Variants in COL6A5 observed in about 807,000 individuals in gnomAD.
COL6A5 encodes collagen type VI alpha 5 chain, also known as collagen alpha-5(VI) chain.
In COL6A5, 48 loss-of-function variants were observed where a neutral mutation model predicts 65.6. That is an observed-to-expected ratio of 0.73 (90% CI 0.58 to 0.93). The LOEUF is 0.93. COL6A5 is among the 40% of genes least tolerant of loss of function. COL6A5 has a pLI of 0.00. For synonymous variants in COL6A5, 291 were observed against 322.8 expected, an observed-to-expected ratio of 0.90 and a Z score of 1.05; for missense variants, 914 against 928.3, an observed-to-expected ratio of 0.98 and a Z score of 0.20.
At chr3:130,382,236 AC>A (rs1263334242) in intron 4 of COL6A5, among the ~76,000 whole-genome samples, 1 of 152,042 alleles carries the variant, frequency 6.6e-6, no homozygotes, top group Admixed American at 6.6e-5. Context: ...ACAAACAACA[AC>A]AAAAAACACA....
chr3:130,404,088 G>A (rs76487357), intron 13 of COL6A5, among the ~76,000 whole-genome samples: 1,579 of 152,282 alleles, frequency 0.01, 24 homozygotes, highest in African/African-American at 0.034. Flanking sequence ...CTTAGTACAT[G>A]GCTTTGGGCC....
exon 9 of COL6A5, chr3:130,397,639 C>T: frequency 6.4e-7 from 1 of 1,551,528 alleles, no homozygotes; most frequent in Non-Finnish European, 8.7e-7. Flanking sequence ...GCAGGGGCAG[C>T]CTTTGTTCCA....
At chr3:130,472,429 T>C (rs1225940656) in intron 7 of COL6A5, among the ~76,000 whole-genome samples, 2 of 151,914 alleles carry the variant, frequency 1.3e-5, no homozygotes, top group Admixed American at 6.6e-5. Flanking sequence ...GGCAGCTCCA[T>C]AGGCTGGGTG....
At chr3:130,394,974 CTTTCT>C in exon 8 of COL6A5, 1 of 1,551,448 alleles carries the variant, frequency 6.4e-7, no homozygotes, top group Non-Finnish European at 8.7e-7. Context: ...ACCATGACAA[CTTTCT>C]TGTCAGACTT....
chr3:130,351,084 T>C (rs1934686977), intron 1 of COL6A5, among the ~76,000 whole-genome samples: 1 of 152,190 alleles, frequency 6.6e-6, no homozygotes, highest in Admixed American at 6.5e-5. Flanking sequence ...ATTTAATAAA[T>C]GGTGCTGGGA....
rs563444276 is a variant in COL6A5, at chr3:130,410,796, C to T, written c.4662+272C>T. Among the ~76,000 whole-genome samples, 13 of 152,248 alleles carry T rather than the reference C, an allele frequency of 8.5e-5. No homozygotes were observed. In the South Asian group the frequency reaches 2.5e-3, roughly 29 times the overall value. On this transcript the variant is annotated intron_variant and NMD_transcript_variant, in intron 20 of 41. Coordinates refer to the COL6A5 transcript ENST00000312481. Reference sequence around the variant, plus strand: ...ACTGCCCACTTGTGACATTCACAAGCGTCTCTAAATATTGTCAGATGTCTG... The same window carrying T: ...ACTGCCCACTTGTGACATTCACAAGTGTCTCTAAATATTGTCAGATGTCTG...
chr3:130,436,441 A>G (rs892652819), intron 1 of COL6A5, among the ~76,000 whole-genome samples: 3 of 152,082 alleles, frequency 2.0e-5, no homozygotes, highest in South Asian at 4.2e-4. Flanking sequence ...CCATATAGCA[A>G]TCTCCTAGGG....
At chr3:130,440,411 A>G in exon 3 of COL6A5, 3 of 1,613,652 alleles carry the variant, frequency 1.9e-6, no homozygotes, top group African/African-American at 1.3e-5. Context: ...AAAGATGGGT[A>G]CAGTAAAAAC....
At position 130,373,475 on chromosome 3, in the gene COL6A5, A is replaced by G. The variant is rs1467438237; in HGVS notation, c.-28-136A>G. On this transcript the variant is annotated intron_variant and NMD_transcript_variant, in intron 1 of 41. Transcript: ENST00000312481. ...TTTCAACAAATACTCCAAATGCTTGATGAATTTTATAAACACACTTGGCAC... is the reference window on the plus strand; with the variant it reads ...TTTCAACAAATACTCCAAATGCTTGGTGAATTTTATAAACACACTTGGCAC... 3 of 573,452 alleles carry G rather than the reference A, an allele frequency of 5.2e-6. No individual in the cohort carries two copies. The East Asian group carries it at 8.9e-5, about 17-fold the overall frequency. 35.5% of individuals were successfully genotyped at this position (573,452 alleles called of 1,614,324 possible). A position where few individuals can be genotyped will look rare whatever the true frequency, so the allele number is the denominator to read the frequency against.
intron 24 of COL6A5, among the ~76,000 whole-genome samples, chr3:130,417,528 T>G (rs1408064071): frequency 4.6e-5 from 7 of 152,236 alleles, no homozygotes; most frequent in African/African-American, 1.4e-4. Flanking sequence ...TTTCACTCCC[T>G]GATTTCCTGA....
chr3:130,379,428 C>T (rs1443350112), exon 4 of COL6A5: 1 of 1,550,614 alleles, frequency 6.4e-7, no homozygotes, highest in Non-Finnish European at 8.7e-7. Flanking sequence ...TTCACTTCCC[C>T]ATATCCTGTC....
chr3:130,376,220 T>C lies in COL6A5; in HGVS notation c.68-17T>C. ...TGAATGATAACTTTGTTTTTGCTTG[T>C]TATTTTATTTTGATAGGGCCAGGCC... On this transcript the variant is annotated splice_polypyrimidine_tract_variant and intron_variant and NMD_transcript_variant, in intron 2 of 41. Coordinates refer to the COL6A5 transcript ENST00000312481. The C allele has an allele frequency of 6.5e-6, 10 of 1,543,672 alleles. No homozygotes were observed. Among genetic ancestry groups the C allele is most frequent in the Non-Finnish European group, 8.7e-6 (10 of 1,148,200 alleles).
rs1050038453 is a variant in COL6A5 at position 130,482,681 on chromosome 3, G to A, written c.2329-1354G>A. ...ATTGATTCTTCCTATCCCTGAGCAT[G>A]CAATGTTTTTCCATTTATTTGTCTT... On this transcript the variant is annotated intron_variant, in intron 7 of 7. Transcript: ENST00000512836. Among the ~76,000 whole-genome samples, 4 of 152,142 alleles carry A rather than the reference G, an allele frequency of 2.6e-5. No individual in the cohort carries two copies. The South Asian group carries it at 8.3e-4, about 32-fold the overall frequency.
rs921793811 is a variant in COL6A5 at position 130,386,319 on chromosome 3, G to A, written c.1861+955G>A. On this transcript the variant is annotated intron_variant and NMD_transcript_variant, in intron 5 of 41. Transcript: ENST00000312481. Reference sequence around the variant, plus strand: ...TAATGGTGATAACACACGTGGAGCAGTTAGAGGAGTGCCTGGAACATAGTA... The same window carrying A: ...TAATGGTGATAACACACGTGGAGCAATTAGAGGAGTGCCTGGAACATAGTA... Among the ~76,000 whole-genome samples, 2 of 152,016 alleles carry A rather than the reference G, an allele frequency of 1.3e-5. 1 individual carries two copies. Among genetic ancestry groups the A allele is most frequent in the East Asian group, 3.9e-4 (2 of 5,182 alleles).
At chr3:130,426,224 G>A (rs775117660) in exon 30 of COL6A5, 2 of 1,551,104 alleles carry the variant, frequency 1.3e-6, no homozygotes, top group Non-Finnish European at 1.7e-6. Flanking sequence ...GGCATTAAAG[G>A]CATGGCAGGG....
At chr3:130,377,788 C>T (rs1296492595) in intron 3 of COL6A5, among the ~76,000 whole-genome samples, 5 of 152,132 alleles carry the variant, frequency 3.3e-5, no homozygotes, top group Admixed American at 3.3e-4. Context: ...AATGAGGTGA[C>T]TTGTATGGCA....
intron 5 of COL6A5, among the ~76,000 whole-genome samples, chr3:130,468,080 T>A (rs945121534): frequency 1.3e-5 from 2 of 151,994 alleles, no homozygotes; most frequent in African/African-American, 4.8e-5. Flanking sequence ...ATCAAGGCAA[T>A]GTTTTCTTCA....
chr3:130,372,767 A>G (rs1376318360), intron 1 of COL6A5, among the ~76,000 whole-genome samples: 1 of 152,144 alleles, frequency 6.6e-6, no homozygotes, highest in East Asian at 1.9e-4. Context: ...TAAATGATTT[A>G]TAGGGTCTTC....
chr3:130,473,850 T>C (rs1196119043), intron 7 of COL6A5, among the ~76,000 whole-genome samples: 1 of 152,128 alleles, frequency 6.6e-6, no homozygotes, highest in Non-Finnish European at 1.5e-5. Flanking sequence ...GGGCTGCCTT[T>C]GCTCACTAGA....
Sources: gnomAD v4.1 joint callset for allele counts (sites outside exome capture counted in the v4.1 genomes callset) on GRCh38, gnomAD v4.1.1 for gene constraint, MANE v1.5 for transcripts, NCBI Gene and HGNC (gene_info 2026-07-23, HGNC 2026-07-21) for gene names.